Variants in SPATA7 observed in about 807,000 individuals in gnomAD.
The protein encoded by SPATA7 is spermatogenesis-associated protein 7.
In SPATA7, 43 loss-of-function variants were observed where a neutral mutation model predicts 51.8. The observed-to-expected ratio is 0.83, with a 90% CI of 0.65 to 1.07. The LOEUF (loss-of-function observed/expected upper bound fraction) is 1.07, where lower values mean the gene tolerates loss of function less well. Ranked by LOEUF, SPATA7 falls within the 50% of genes least tolerant of loss-of-function variation. The probability of loss-of-function intolerance (pLI) is 0.00; values close to 1 mark genes in which losing one functional copy is unlikely to be tolerated. For synonymous variants in SPATA7, 230 were observed against 252.8 expected, an observed-to-expected ratio of 0.91 and a Z score of 0.86; for missense variants, 683 against 701.3, an observed-to-expected ratio of 0.97 and a Z score of 0.30.
downstream of SPATA7, among the ~76,000 whole-genome samples, chr14:88,438,979 T>C (rs931519891): frequency 1.3e-5 from 2 of 152,140 alleles, no homozygotes; most frequent in African/African-American, 2.4e-5. Context: ...CACTTAAGGG[T>C]TGGGAATATA....
intron 5 of SPATA7, among the ~76,000 whole-genome samples, chr14:88,425,864 G>A (rs2076775336): frequency 6.6e-6 from 1 of 152,134 alleles, no homozygotes; most frequent in African/African-American, 2.4e-5. Context: ...CAGTGAGGAT[G>A]ATGTCACTAA....
intron 5 of SPATA7, among the ~76,000 whole-genome samples, chr14:88,419,531 C>CTT (rs561604199): frequency 3.1e-5 from 4 of 131,026 alleles, no homozygotes; most frequent in African/African-American, 5.6e-5. Context: ...TAATCATTGT[C>CTT]TTTTTTTTTT....
At chr14:88,454,872 A>G (rs960901809) in intron 3 of SPATA7, among the ~76,000 whole-genome samples, 4 of 152,206 alleles carry the variant, frequency 2.6e-5, no homozygotes, top group Non-Finnish European at 5.9e-5. Flanking sequence ...TGGCTATACA[A>G]TGAGTCCCAA....
intron 3 of SPATA7, among the ~76,000 whole-genome samples, chr14:88,452,798 A>G (rs1204880378): frequency 6.6e-6 from 1 of 152,176 alleles, no homozygotes; most frequent in Non-Finnish European, 1.5e-5. Context: ...CTAACACAAT[A>G]AAGTCCAGGA....
chr14:88,468,238 T>C, intron 4 of SPATA7: 1 of 1,609,644 alleles, frequency 6.2e-7, no homozygotes, highest in Non-Finnish European at 8.5e-7. Context: ...TGCCTCAGCA[T>C]GTCCAGCACT....
intron 4 of SPATA7, 35 bp from the exon 5 acceptor site, chr14:88,416,676 G>A: frequency 6.2e-7 from 1 of 1,609,576 alleles, no homozygotes; most frequent in Non-Finnish European, 8.5e-7. Context: ...TTTCTATTTT[G>A]TTCCATATTT....
chr14:88,416,963 T>C (rs534870859), intron 5 of SPATA7, 119 bp downstream of exon 5: 2 of 815,058 alleles, frequency 2.5e-6, no homozygotes, highest in South Asian at 1.8e-5. Context: ...AAGATCCAGA[T>C]AGTTAATATT....
At chr14:88,421,829 C>T (rs1028361537) in intron 5 of SPATA7, among the ~76,000 whole-genome samples, 34 of 151,664 alleles carry the variant, frequency 2.2e-4, no homozygotes, top group African/African-American at 4.6e-4. Flanking sequence ...TGCACCTGTA[C>T]TCCTAGCTAC....
chr14:88,402,109 A>G (rs2076078096), intron 4 of SPATA7, among the ~76,000 whole-genome samples: 1 of 152,156 alleles, frequency 6.6e-6, no homozygotes, highest in Admixed American at 6.6e-5. Context: ...GAAAACTTGT[A>G]CACTGAAAAC....
intron 4 of SPATA7, among the ~76,000 whole-genome samples, chr14:88,411,690 C>T (rs449338): frequency 0.51 from 77,444 of 151,952 alleles, 22,358 homozygotes; most frequent in Middle Eastern, 0.68. Flanking sequence ...GCTCACCCTC[C>T]GTGGGCTGCA....
exon 5 of SPATA7, chr14:88,470,144 TA>T (rs1566805123): frequency 3.3e-6 from 4 of 1,222,382 alleles, no homozygotes; most frequent in South Asian, 1.4e-5. Context: ...AAAGTTTTTT[TA>T]AAAAAGTAAA....
At chr14:88,470,140 T>A in exon 5 of SPATA7, 1 of 1,381,250 alleles carries the variant, frequency 7.2e-7, no homozygotes, top group Non-Finnish European at 9.9e-7. Flanking sequence ...TAAAAAAGTT[T>A]TTTTAAAAAA....
At chr14:88,419,728 T>C (rs1714576634) in intron 5 of SPATA7, among the ~76,000 whole-genome samples, 1 of 152,102 alleles carries the variant, frequency 6.6e-6, no homozygotes, top group Non-Finnish European at 1.5e-5. Flanking sequence ...GGTTCCACCA[T>C]GTTAGCCAGG....
At chr14:88,470,137 G>A in exon 5 of SPATA7, 1 of 1,398,176 alleles carries the variant, frequency 7.2e-7, no homozygotes, top group South Asian at 1.3e-5. Flanking sequence ...TACTAAAAAA[G>A]TTTTTTTAAA....
intron 4 of SPATA7, among the ~76,000 whole-genome samples, chr14:88,412,076 G>A (rs1053512492): frequency 1.3e-5 from 2 of 152,118 alleles, no homozygotes; most frequent in African/African-American, 4.8e-5. Flanking sequence ...GTATGAAATA[G>A]TATCTCATTG....
intron 4 of SPATA7, among the ~76,000 whole-genome samples, chr14:88,397,859 G>A (rs12434374): frequency 0.22 from 33,309 of 151,800 alleles, 3,930 homozygotes; most frequent in East Asian, 0.3. Flanking sequence ...CGAGGCAGGC[G>A]GATCACGAGG....
chr14:88,452,753 C>G (rs572721444), intron 3 of SPATA7, among the ~76,000 whole-genome samples: 1 of 152,298 alleles, frequency 6.6e-6, no homozygotes, highest in East Asian at 1.9e-4. Context: ...CCATGCCACT[C>G]TCTTCTTTAA....
At chr14:88,426,931 A>G (rs2076810411) in intron 6 of SPATA7, among the ~76,000 whole-genome samples, 1 of 152,150 alleles carries the variant, frequency 6.6e-6, no homozygotes, top group Admixed American at 6.5e-5. Context: ...TGAATTACAT[A>G]TTTTATTATT....
chr14:88,458,828 A>G (rs2077300658), downstream of SPATA7, among the ~76,000 whole-genome samples: 1 of 152,088 alleles, frequency 6.6e-6, no homozygotes, highest in Admixed American at 6.6e-5. Flanking sequence ...TGTCAATTTT[A>G]CATCTTTCCT....
Sources: allele counts gnomAD v4.1 joint callset (sites outside exome capture counted in the v4.1 genomes callset), GRCh38; gene constraint gnomAD v4.1.1; transcripts MANE v1.5; gene names NCBI Gene and HGNC (gene_info 2026-07-23, HGNC 2026-07-21).